The following DLG2 variants were observed in gnomAD, a reference collection of about 807,000 sequenced individuals.
The protein encoded by DLG2 is discs large MAGUK scaffold protein 2, also known as disks large homolog 2.
Under a neutral mutation model 132.5 loss-of-function variants are expected in DLG2, and 45 were observed. The ratio of observed to expected loss-of-function variants is 0.34; its 90% CI spans 0.27 to 0.44. DLG2 has a LOEUF of 0.44. Among genes scored for constraint, DLG2 ranks in the 20% least tolerant of loss-of-function variants. The pLI is 1.00. For missense variants in DLG2, 1,045 were observed against 1,196.9 expected (o/e 0.87, Z 1.87); for synonymous variants, 424 against 419.6 (o/e 1.01, Z -0.13).
chr11:83,933,023 G>A (rs2080670136), intron 14 of DLG2, among the ~76,000 whole-genome samples: 1 of 152,176 alleles, frequency 6.6e-6, no homozygotes, highest in African/African-American at 2.4e-5. Context: ...TCTCGGCCCT[G>A]AGTTCCAGAA....
At chr11:84,576,211 G>C (rs972114136) in intron 6 of DLG2, among the ~76,000 whole-genome samples, 4 of 152,130 alleles carry the variant, frequency 2.6e-5, no homozygotes, top group South Asian at 4.1e-4. Flanking sequence ...ATCGTTTACT[G>C]TTTGCCTCCC....
chr11:83,686,746 C>T (rs898684029), intron 18 of DLG2, among the ~76,000 whole-genome samples: 3 of 152,174 alleles, frequency 2.0e-5, no homozygotes, highest in Non-Finnish European at 2.9e-5. Flanking sequence ...CTTTCTGATG[C>T]TTTATAGGTA....
chr11:83,626,338 T>G (rs1270663001), intron 19 of DLG2, among the ~76,000 whole-genome samples: 1 of 152,198 alleles, frequency 6.6e-6, no homozygotes, highest in African/African-American at 2.4e-5. Flanking sequence ...TTGGATTGCC[T>G]ATAGATCTAG....
chr11:84,872,748 C>A (rs1429297578), intron 6 of DLG2, among the ~76,000 whole-genome samples: 2 of 152,178 alleles, frequency 1.3e-5, no homozygotes, highest in Non-Finnish European at 2.9e-5. Flanking sequence ...ACTCTCTTTA[C>A]AGTTTCACAA....
intron 7 of DLG2, among the ~76,000 whole-genome samples, chr11:84,533,782 G>C (rs1442775761): frequency 1.3e-5 from 2 of 151,574 alleles, no homozygotes; most frequent in Non-Finnish European, 2.9e-5. Flanking sequence ...ATTGGTAGGT[G>C]CTTTTATTTT....
intron 15 of DLG2, among the ~76,000 whole-genome samples, chr11:83,905,026 TTGCTTAAACCAGCTTAA>T (rs2074372470): frequency 1.3e-5 from 2 of 152,196 alleles, no homozygotes; most frequent in African/African-American, 4.8e-5. Flanking sequence ...ATTCATTCCC[TTGCTTAAACCAGCTTAA>T]TCTACTTTCA....
chr11:85,573,533 G>T (rs2077972705), intron 3 of DLG2, among the ~76,000 whole-genome samples: 1 of 152,064 alleles, frequency 6.6e-6, no homozygotes, highest in South Asian at 2.1e-4. Flanking sequence ...AGTAGCCACT[G>T]GTGACAGCCA....
chr11:83,789,177 C>A (rs2040824672), intron 17 of DLG2, among the ~76,000 whole-genome samples: 2 of 144,960 alleles, frequency 1.4e-5, no homozygotes, highest in Admixed American at 1.4e-4. Context: ...AAGAGTATGC[C>A]AATTCATGAT....
At chr11:83,730,554 T>A (rs919011477) in intron 18 of DLG2, among the ~76,000 whole-genome samples, 1 of 152,096 alleles carries the variant, frequency 6.6e-6, no homozygotes, top group Non-Finnish European at 1.5e-5. Context: ...CATCCCTGCT[T>A]TTCTACCAGG....
chr11:83,951,037 A>C (rs556959780), intron 14 of DLG2, among the ~76,000 whole-genome samples: 4 of 152,208 alleles, frequency 2.6e-5, no homozygotes, highest in Non-Finnish European at 5.9e-5. Context: ...AGAGATTAAC[A>C]AAATAAATGA....
At chr11:84,117,046 G>A (rs1376016376) in intron 9 of DLG2, among the ~76,000 whole-genome samples, 1 of 152,132 alleles carries the variant, frequency 6.6e-6, no homozygotes, top group African/African-American at 2.4e-5. Flanking sequence ...TTTGCTCTCA[G>A]ACTTTCCCTC....
At chr11:84,552,732 TA>T (rs1270480915) in intron 6 of DLG2, among the ~76,000 whole-genome samples, 1 of 152,196 alleles carries the variant, frequency 6.6e-6, no homozygotes, top group Non-Finnish European at 1.5e-5. Context: ...AAATGTTTGT[TA>T]AGTGAATATT....
At chr11:84,362,670 T>C (rs1406502226) in intron 7 of DLG2, among the ~76,000 whole-genome samples, 2 of 151,774 alleles carry the variant, frequency 1.3e-5, no homozygotes, top group Non-Finnish European at 1.5e-5. Flanking sequence ...TCCCCCCACC[T>C]CACAACAGTC....
At position 84,773,421 on chromosome 11, in the gene DLG2, A is replaced by G. The variant is rs552297922; in HGVS notation, c.358-238690T>C. Among the ~76,000 whole-genome samples the G allele has an allele frequency of 3.3e-5, 5 of 152,292 alleles. No homozygotes were observed. In the South Asian group the frequency reaches 1.0e-3, roughly 32 times the overall value. The stretch of plus-strand genomic sequence containing the variant: ...AAGAGACTCCTCCCTAACTCATTCT[A>G]TGAGGCCAGCATCATCCTGCTACCA... On this transcript the variant is annotated intron_variant, in intron 6 of 27. Coordinates refer to ENST00000376104, the MANE Select transcript of DLG2 (RefSeq NM_001142699.3).
At chr11:84,535,871 C>T (rs1450848793) in intron 6 of DLG2, among the ~76,000 whole-genome samples, 1 of 152,004 alleles carries the variant, frequency 6.6e-6, no homozygotes, top group Non-Finnish European at 1.5e-5. Flanking sequence ...ATTGTCATAA[C>T]ACCATCACAG....
At chr11:85,148,774 T>C (rs570128777) in intron 5 of DLG2, among the ~76,000 whole-genome samples, 56 of 152,242 alleles carry the variant, frequency 3.7e-4, no homozygotes, top group Non-Finnish European at 3.7e-4. Flanking sequence ...TTTGTCAATT[T>C]TGGCTTTTGT....
At chr11:85,513,521 T>C (rs1055420583) in intron 3 of DLG2, among the ~76,000 whole-genome samples, 1 of 152,022 alleles carries the variant, frequency 6.6e-6, no homozygotes, top group Non-Finnish European at 1.5e-5. Flanking sequence ...GTTAATTAGC[T>C]CTATGAGTTT....
At chr11:84,015,814 T>C (rs1310385667) in intron 11 of DLG2, among the ~76,000 whole-genome samples, 1 of 152,194 alleles carries the variant, frequency 6.6e-6, no homozygotes, top group African/African-American at 2.4e-5. Context: ...ATTCCATGTC[T>C]TTGCTATTGT....
chr11:84,197,051 AAAAAAG>A (rs2096530146), intron 8 of DLG2, among the ~76,000 whole-genome samples: 1 of 151,050 alleles, frequency 6.6e-6, no homozygotes, highest in Admixed American at 6.6e-5. Context: ...AAAAAAAAAA[AAAAAAG>A]AAAGAAAAGA....
Sources: gnomAD v4.1 joint callset for allele counts (sites outside exome capture counted in the v4.1 genomes callset) on GRCh38, gnomAD v4.1.1 for gene constraint, MANE v1.5 for transcripts, NCBI Gene and HGNC (gene_info 2026-07-23, HGNC 2026-07-21) for gene names.